SFSWAP: variants seen among roughly 807,000 people sequenced by gnomAD.
SFSWAP encodes splicing factor, suppressor of white-apricot homolog.
A neutral mutation model predicts 100.7 loss-of-function variants in SFSWAP; 17 were observed. The ratio of observed to expected loss-of-function variants is 0.17; its 90% CI spans 0.12 to 0.25. The LOEUF (loss-of-function observed/expected upper bound fraction) is 0.25. SFSWAP is among the 10% of genes least tolerant of loss of function. SFSWAP has a pLI of 1.00. For synonymous variants in SFSWAP, 504 were observed against 510.1 expected (o/e 0.99, Z 0.16); for missense variants, 1,005 against 1,262.6 (o/e 0.80, Z 3.09).
intron 3 of SFSWAP, among the ~76,000 whole-genome samples, chr12:131,718,697 T>C (rs1159140532): frequency 6.6e-6 from 1 of 152,202 alleles, no homozygotes; most frequent in Non-Finnish European, 1.5e-5. Flanking sequence ...CCTTATGTAG[T>C]GTCATGCTGT....
chr12:131,721,229 A>G (rs1012406664), intron 4 of SFSWAP, among the ~76,000 whole-genome samples: 2 of 152,244 alleles, frequency 1.3e-5, no homozygotes, highest in Non-Finnish European at 2.9e-5. Context: ...ACTGCCTCCA[A>G]CATTGGGAAT....
intron 14 of SFSWAP, among the ~76,000 whole-genome samples, chr12:131,780,410 G>A (rs1884404678): frequency 6.6e-6 from 1 of 152,214 alleles, no homozygotes; most frequent in Admixed American, 6.5e-5. Context: ...CAGTGCTTTG[G>A]GAAGCCAAGA....
chr12:131,787,604 G>A (rs1457427012), intron 15 of SFSWAP, among the ~76,000 whole-genome samples: 1 of 152,130 alleles, frequency 6.6e-6, no homozygotes, highest in Non-Finnish European at 1.5e-5. Flanking sequence ...TTCATAACAC[G>A]GCACTGCTAA....
chr12:131,773,309 G>C (rs61942913), intron 13 of SFSWAP, among the ~76,000 whole-genome samples: 11,466 of 152,172 alleles, frequency 0.075, 492 homozygotes, highest in Middle Eastern at 0.12. Flanking sequence ...AGTAGCAACA[G>C]ACTGCAGGAT....
chr12:131,749,998 G>A (rs1473469194), intron 7 of SFSWAP, among the ~76,000 whole-genome samples: 7 of 152,210 alleles, frequency 4.6e-5, no homozygotes, highest in Admixed American at 1.3e-4. Flanking sequence ...CTGTGAGGCC[G>A]TGCAAAGGAC....
chr12:131,776,652 C>G (rs1289258260), intron 13 of SFSWAP, among the ~76,000 whole-genome samples: 1 of 152,240 alleles, frequency 6.6e-6, no homozygotes, highest in Admixed American at 6.5e-5. Context: ...GTCCTGCGCA[C>G]ACTGCCGCGG....
chr12:131,788,801 A>G (rs1885063825), intron 15 of SFSWAP, among the ~76,000 whole-genome samples: 1 of 152,126 alleles, frequency 6.6e-6, no homozygotes, highest in East Asian at 1.9e-4. Context: ...TTTATTAGCA[A>G]TCATTATATT....
chr12:131,717,656 G>A (rs1878054882), intron 3 of SFSWAP, among the ~76,000 whole-genome samples: 1 of 152,100 alleles, frequency 6.6e-6, no homozygotes, highest in Non-Finnish European at 1.5e-5. Flanking sequence ...TTAAGGAGAA[G>A]CTATTTGCCT....
intron 3 of SFSWAP, among the ~76,000 whole-genome samples, chr12:131,717,423 G>A (rs867916701): frequency 1.4e-4 from 22 of 152,110 alleles, no homozygotes; most frequent in Middle Eastern, 3.4e-3. Flanking sequence ...ATAATGGGGC[G>A]GGGACAGGCC....
intron 8 of SFSWAP, 79 bp downstream of exon 8, chr12:131,753,442 G>T: frequency 6.7e-7 from 1 of 1,499,608 alleles, no homozygotes; most frequent in Admixed American, 2.2e-5. Flanking sequence ...GTCTCCATGG[G>T]GGGCTTGTAA....
At chr12:131,772,138 C>G (rs755599055) in intron 13 of SFSWAP, among the ~76,000 whole-genome samples, 2 of 152,158 alleles carry the variant, frequency 1.3e-5, no homozygotes, top group Non-Finnish European at 2.9e-5. Flanking sequence ...ACCTGCCATA[C>G]TTGGAATTTA....
chr12:131,799,156 C>A, intron 17 of SFSWAP, 47 bp downstream of exon 17: 1 of 1,452,526 alleles, frequency 6.9e-7, no homozygotes. Flanking sequence ...CATCAAGGGG[C>A]CTCGTGGTTT....
At chr12:131,724,211 A>G (rs1423144508) in intron 4 of SFSWAP, among the ~76,000 whole-genome samples, 1 of 152,206 alleles carries the variant, frequency 6.6e-6, no homozygotes, top group African/African-American at 2.4e-5. Context: ...TTTTGGATCA[A>G]CAAGTTGGTT....
chr12:131,747,755 G>T (rs1315119971), intron 7 of SFSWAP, among the ~76,000 whole-genome samples: 1 of 152,204 alleles, frequency 6.6e-6, no homozygotes, highest in East Asian at 1.9e-4. Flanking sequence ...GGAGAGGCAT[G>T]GGGAGAAATC....
chr12:131,720,153 G>T (rs1439312820), intron 4 of SFSWAP, among the ~76,000 whole-genome samples: 1 of 152,174 alleles, frequency 6.6e-6, no homozygotes, highest in Non-Finnish European at 1.5e-5. Flanking sequence ...GTTATAACAG[G>T]TGTTAAAGCC....
chr12:131,723,506 C>T (rs1326192144), intron 4 of SFSWAP, among the ~76,000 whole-genome samples: 1 of 152,082 alleles, frequency 6.6e-6, no homozygotes, highest in Non-Finnish European at 1.5e-5. Flanking sequence ...GTATTTTTGC[C>T]TTTGAATTTT....
In SFSWAP at chr12:131,734,925, G is replaced by T. The variant is rs1005115127; in HGVS notation, c.1081+6497G>T. Among the ~76,000 whole-genome samples, 3 of 149,328 alleles carry T rather than the reference G, an allele frequency of 2.0e-5. No homozygotes were observed. Among genetic ancestry groups the T allele is most frequent in the African/African-American group, 7.7e-5 (3 of 38,926 alleles). ...CATGGGGGTGGGGTGGGGCAGTGAG[G>T]GGGGGCCCGCTCCGAGAGACAGACA... is the stretch of plus-strand genomic sequence containing the variant. On this transcript the variant is annotated intron_variant, in intron 7 of 17. Transcript: ENST00000261674. This position sits in a 1 kb window ranked among gnomAD's most constrained non-coding sequence, Gnocchi z 4.9.
rs1880907892 is a variant in SFSWAP, at chr12:131,744,147, A to G, written c.1082-8976A>G. Among the ~76,000 whole-genome samples the G allele has an allele frequency of 6.6e-5, 10 of 152,238 alleles. 1 individual carries two copies. In the South Asian group the frequency reaches 2.1e-3, roughly 32 times the overall value. On this transcript the variant is annotated intron_variant, in intron 7 of 17. Coordinates refer to ENST00000261674, the MANE Select transcript of SFSWAP (RefSeq NM_004592.4). The stretch of plus-strand genomic sequence containing the variant: ...AAGACCTCTGACATGTTCTAGAGAC[A>G]TTTTCTGCATTGTCTTGGGGATTCA...
At chr12:131,720,998 G>A (rs1878423938) in intron 4 of SFSWAP, among the ~76,000 whole-genome samples, 1 of 152,186 alleles carries the variant, frequency 6.6e-6, no homozygotes, top group East Asian at 1.9e-4. Flanking sequence ...CTGCTTCTGG[G>A]GAGGCCTCAG....
Sources: allele counts gnomAD v4.1 joint callset (sites outside exome capture counted in the v4.1 genomes callset), GRCh38; gene constraint gnomAD v4.1.1; non-coding constraint Gnocchi (gnomAD v3.1); transcripts MANE v1.5; gene names NCBI Gene and HGNC (gene_info 2026-07-23, HGNC 2026-07-21).